ZFYVE19: variants seen among roughly 807,000 people sequenced by gnomAD.
The protein encoded by ZFYVE19 is abscission/NoCut checkpoint regulator.
ZFYVE19 carries 49 observed loss-of-function variants against 62.8 expected under a neutral mutation model. That is an observed-to-expected ratio of 0.78 (90% CI 0.62 to 0.99). The LOEUF (loss-of-function observed/expected upper bound fraction) is 0.99. ZFYVE19 is among the 50% of genes least tolerant of loss of function. The probability of loss-of-function intolerance (pLI) is 0.00; values close to 1 mark genes in which losing one functional copy is unlikely to be tolerated. For missense variants in ZFYVE19, 630 were observed against 601.9 expected, an observed-to-expected ratio of 1.05 and a Z score of -0.49; for synonymous variants, 242 against 234.3, an observed-to-expected ratio of 1.03 and a Z score of -0.30.
chr15:40,809,334 G>C, intron 2 of ZFYVE19, 74 bp from the exon 3 acceptor site: 2 of 1,613,630 alleles, frequency 1.2e-6, no homozygotes, highest in Non-Finnish European at 1.7e-6. Context: ...AGAGTCAGCC[G>C]AGGAAGTGTT....
intron 6 of ZFYVE19, among the ~76,000 whole-genome samples, chr15:40,811,252 G>A (rs1266212883): frequency 1.3e-5 from 2 of 152,128 alleles, no homozygotes; most frequent in African/African-American, 4.8e-5. Flanking sequence ...CTACCATCTT[G>A]GACAGCACAG....
chr15:40,809,383 A>G (rs866064674), intron 2 of ZFYVE19, 25 bp from the exon 3 acceptor site: 1 of 1,614,154 alleles, frequency 6.2e-7, no homozygotes, highest in East Asian at 2.2e-5. Flanking sequence ...GGCAGGATTT[A>G]TAACACTAGA....
intron 6 of ZFYVE19, among the ~76,000 whole-genome samples, chr15:40,811,903 C>G (rs1890499646): frequency 1.3e-5 from 2 of 152,204 alleles, no homozygotes; most frequent in Admixed American, 1.3e-4. Context: ...CACACCTAAT[C>G]TGGTAAAATT....
chr15:40,808,924 G>T, intron 1 of ZFYVE19, 195 bp from the exon 2 acceptor site: 1 of 627,750 alleles, frequency 1.6e-6, no homozygotes. Context: ...ACCTTCATTT[G>T]GCTTGAATAA....
In ZFYVE19 at chr15:40,809,902, A is replaced by T; in HGVS notation, c.503A>T (p.Gln168Leu). Residue 168 changes from glutamine (Q) to leucine (L), a missense_variant, in exon 4 of 11, where the codon CAG becomes CTG. Transcript: ENST00000355341. ...AKQKPSTSQS[Q>L]GLTRQDQMIA... ...CAAAAGCCCAGCACTTCCCAGAGCC[A>T]GGGACTGACACGACAAGACCAGATG... 6.2e-7 allele frequency: 1 copy of T among 1,614,232 alleles called. No homozygotes were observed. Among genetic ancestry groups the T allele is most frequent in the Non-Finnish European group, 8.5e-7 (1 of 1,180,026 alleles).
chr15:40,811,732 A>G (rs575777048), intron 6 of ZFYVE19, among the ~76,000 whole-genome samples: 1 of 152,208 alleles, frequency 6.6e-6, no homozygotes, highest in East Asian at 1.9e-4. Context: ...TATAAGGTAC[A>G]TACTATTCTT....
At position 40,807,707 on chromosome 15, in the gene ZFYVE19, G is replaced by GGGGCGGGGCA. The variant is rs1555385027; in HGVS notation, c.122_123insGGGGCAGGGC (p.Glu46AlafsTer10). 1.2e-5 allele frequency: 20 copies of GGGGCGGGGCA among 1,602,176 alleles called. No individual in the cohort carries two copies. The highest frequency in any genetic ancestry group is 1.7e-4 in the Middle Eastern group (1 of 5,904). ...GACAGTGCCAGTGGGCGTGTGGGGC[G>GGGGCGGGGCA]GGGCAGGGCAGGGAAGGGAAGGGCG... On this transcript the variant is annotated frameshift_variant, in exon 1 of 11. Transcript: ENST00000355341. LOFTEE classifies it high-confidence loss of function.
rs530305060 is a variant in ZFYVE19 at position 40,812,375 on chromosome 15, G to A, written c.827-324G>A. On this transcript the variant is annotated intron_variant, in intron 6 of 10. Transcript: ENST00000355341. ...AGCCTGACCAACATGTTGAAACCCC[G>A]TCTCTACTAAAAATACAAAAATTAG... Among the ~76,000 whole-genome samples, 4 of 151,790 alleles carry A rather than the reference G, an allele frequency of 2.6e-5. No homozygotes were observed. In the East Asian group the frequency reaches 5.8e-4, roughly 22 times the overall value.
rs754374467 is a variant in ZFYVE19 at position 40,807,422 on chromosome 15, G to C, written c.-168G>C. The C allele has an allele frequency of 1.9e-6, 3 of 1,614,272 alleles. No homozygotes were observed. The East Asian group carries it at 6.7e-5, about 36-fold the overall frequency. The stretch of plus-strand genomic sequence containing the variant: ...CCTAGCAGCGCGTACAGGTCCATCT[G>C]TAAGAGCTCCTTGGTCACTGCCATG... On this transcript the variant is annotated 5_prime_UTR_variant, in exon 1 of 11. Coordinates refer to ENST00000355341, the MANE Select transcript of ZFYVE19 (RefSeq NM_001077268.2).
Position 40,809,854 on chromosome 15 carries a change from G to A in ZFYVE19, c.455G>A (p.Arg152His), listed in dbSNP as rs753378311. Reference protein sequence around the residue: ...KWSPPQNYKKRVAALEAKQKP... With the variant: ...KWSPPQNYKKHVAALEAKQKP... ...GCCTCTATCTCATATCCTGCCAGGC[G>A]TGTGGCAGCCTTGGAAGCCAAGCAA... Residue 152 changes from arginine to histidine, a missense_variant and splice_region_variant, in exon 4 of 11, where the codon CGT becomes CAT. Coordinates refer to ENST00000355341, the MANE Select transcript of ZFYVE19 (RefSeq NM_001077268.2). The A allele has an allele frequency of 5.6e-6, 9 of 1,614,030 alleles. No homozygotes were observed. Among genetic ancestry groups the A allele is most frequent in the Non-Finnish European group, 7.6e-6 (9 of 1,180,014 alleles).
chr15:40,809,743 G>A (rs1224747252), intron 3 of ZFYVE19, 109 bp from the exon 4 acceptor site: 4 of 1,228,128 alleles, frequency 3.3e-6, no homozygotes, highest in Non-Finnish European at 4.7e-6. Flanking sequence ...CCCATTGGAG[G>A]CCTCCCTAAG....
intron 1 of ZFYVE19, chr15:40,808,778 C>T (rs953916771): frequency 4.1e-5 from 13 of 315,198 alleles, no homozygotes; most frequent in African/African-American, 6.4e-5. Context: ...GAGGAGGCAT[C>T]GGCTCTGCCC....
Position 40,814,650 on chromosome 15 carries a change from G to C in ZFYVE19, c.*424G>C, listed in dbSNP as rs1890613735. ...AACAGAGCAGGCTGTAAGCACAGTT[G>C]TGGGGAATGGGGGAAAAGGTTGAGC... On this transcript the variant is annotated 3_prime_UTR_variant, in exon 11 of 11. Coordinates refer to ENST00000355341, the MANE Select transcript of ZFYVE19 (RefSeq NM_001077268.2). 1 of 211,708 alleles carries C rather than the reference G, an allele frequency of 4.7e-6. No individual in the cohort carries two copies. The highest frequency in any genetic ancestry group is 9.7e-6 in the Non-Finnish European group (1 of 103,204). 13.1% of individuals were successfully genotyped at this position (211,708 alleles called of 1,614,324 possible). A position where few individuals can be genotyped will look rare whatever the true frequency, so the allele number is the denominator to read the frequency against.
At chr15:40,811,812 C>T (rs1280519633) in intron 6 of ZFYVE19, among the ~76,000 whole-genome samples, 2 of 152,206 alleles carry the variant, frequency 1.3e-5, no homozygotes, top group African/African-American at 2.4e-5. Context: ...TATTAAGCTG[C>T]AGAGATGAGA....
chr15:40,808,113 C>T, intron 1 of ZFYVE19: 1 of 1,336,174 alleles, frequency 7.5e-7, no homozygotes, highest in African/African-American at 1.5e-5. Context: ...GCGCTGCCGT[C>T]GTTTTTGCAA....
Position 40,809,984 on chromosome 15 carries a change from G to A in ZFYVE19, c.571+14G>A. 2 of 1,614,226 alleles carry A rather than the reference G, an allele frequency of 1.2e-6. No individual in the cohort carries two copies. Among genetic ancestry groups the A allele is most frequent in the Non-Finnish European group, 1.7e-6 (2 of 1,180,028 alleles). The stretch of plus-strand genomic sequence containing the variant: ...AGAACAAGCCCAGTGAGCAGGGGCA[G>A]ATGGGGTTGCCTAGAGGACACAGTC... On this transcript the variant is annotated intron_variant, in intron 4 of 10. Transcript: ENST00000355341.
chr15:40,812,838 G>C lies in ZFYVE19; in HGVS notation c.966G>C (p.Arg322Ser). The C allele has an allele frequency of 6.2e-7, 1 of 1,613,692 alleles. No individual in the cohort carries two copies. The highest frequency in any genetic ancestry group is 1.1e-5 in the South Asian group (1 of 91,074). The change falls in exon 7 of 11, where the codon AGG (arginine) becomes AGC (serine). Residue 322 changes from arginine (R) to serine (S), a missense_variant. Transcript: ENST00000355341. ...TTGAGTTGCGGGAGGAGAACACGAGGCAGGAACGGATTCTGGCCCTGGCCA... is the reference window on the plus strand; with the variant it reads ...TTGAGTTGCGGGAGGAGAACACGAGCCAGGAACGGATTCTGGCCCTGGCCA... ...AALELREENT[R>S]QERILALAKR...
In ZFYVE19 at chr15:40,814,292, C is replaced by T. The variant is rs897442679; in HGVS notation, c.*66C>T. 1.8e-5 allele frequency: 29 copies of T among 1,576,472 alleles called. No homozygotes were observed. Among genetic ancestry groups the T allele is most frequent in the Non-Finnish European group, 2.5e-5 (29 of 1,155,396 alleles). ...CGGCACCCATTTCTGGGCCCAGCCA[C>T]AGGACGTCCGATGGGAGAGCTTGTC... On this transcript the variant is annotated 3_prime_UTR_variant, in exon 11 of 11. Transcript: ENST00000355341.
Position 40,807,111 on chromosome 15 carries a change from G to A in ZFYVE19, c.-479G>A. Reference sequence around the variant, plus strand: ...AGCGTTCCTTGCTGCCTCGCCCCGCGGCCTCTAGGAGACAGGGGCCACGGG... The same window carrying A: ...AGCGTTCCTTGCTGCCTCGCCCCGCAGCCTCTAGGAGACAGGGGCCACGGG... On this transcript the variant is annotated 5_prime_UTR_variant, in exon 1 of 11. Coordinates refer to ENST00000355341, the MANE Select transcript of ZFYVE19 (RefSeq NM_001077268.2). 1.2e-6 allele frequency: 1 copy of A among 812,662 alleles called. No individual in the cohort carries two copies. Among genetic ancestry groups the A allele is most frequent in the Non-Finnish European group, 1.9e-6 (1 of 533,902 alleles). The allele number at this position is 812,662 out of a possible 1,614,324, so 50.3% of individuals were successfully genotyped here.
Sources: allele counts gnomAD v4.1 joint callset (sites outside exome capture counted in the v4.1 genomes callset), GRCh38; gene constraint gnomAD v4.1.1; transcripts MANE v1.5; gene names NCBI Gene and HGNC (gene_info 2026-07-23, HGNC 2026-07-21).